The following TNFRSF8 variants were observed in gnomAD, a reference collection of about 807,000 sequenced individuals.
TNFRSF8 encodes tumor necrosis factor receptor superfamily member 8.
A neutral mutation model predicts 70.8 loss-of-function variants in TNFRSF8; 26 were observed. That is an observed-to-expected ratio of 0.37 (90% confidence interval 0.27 to 0.51). The LOEUF (loss-of-function observed/expected upper bound fraction) is 0.51, where lower values mean the gene tolerates loss of function less well. Among genes scored for constraint, TNFRSF8 ranks in the 20% least tolerant of loss-of-function variants. TNFRSF8 has a pLI of 0.94. For synonymous variants in TNFRSF8, 356 were observed against 339.2 expected (o/e 1.05, Z -0.54); for missense variants, 720 against 807.9 (o/e 0.89, Z 1.32).
intron 1 of TNFRSF8, among the ~76,000 whole-genome samples, chr1:12,073,014 G>T (rs770941992): frequency 2.0e-5 from 3 of 152,210 alleles, no homozygotes. Flanking sequence ...CAGGCTGGGC[G>T]CCAAGGCTCA....
chr1:12,135,700 TG>T, intron 13 of TNFRSF8, 87 bp downstream of exon 13: 1 of 1,561,868 alleles, frequency 6.4e-7, no homozygotes, highest in Non-Finnish European at 8.7e-7. Flanking sequence ...TGAGAGCTGC[TG>T]GGGGAAGGGA....
At chr1:12,139,691 C>A (rs1282832564) in intron 14 of TNFRSF8, among the ~76,000 whole-genome samples, 1 of 152,244 alleles carries the variant, frequency 6.6e-6, no homozygotes. Flanking sequence ...CTGTGCATTT[C>A]TATGGCAGAC....
At position 12,097,209 on chromosome 1, in the gene TNFRSF8, G is replaced by C. The variant is rs1165626968; in HGVS notation, c.260G>C (p.Cys87Ser). The change falls in exon 3 of 15, where the codon TGT becomes TCT. Residue 87 changes from cysteine to serine, a missense_variant. Transcript: ENST00000263932. ...EADRCTACVT[C>S]SRDDLVEKTP... The stretch of plus-strand genomic sequence containing the variant: ...GACCGCTGTACAGCCTGCGTGACTT[G>C]TTCTCGAGGTAAGGGCCTTGTTCTC... 1 of 1,613,500 alleles carries C rather than the reference G, an allele frequency of 6.2e-7. No individual in the cohort carries two copies. Among genetic ancestry groups the C allele is most frequent in the Non-Finnish European group, 8.5e-7 (1 of 1,179,670 alleles).
intron 12 of TNFRSF8, among the ~76,000 whole-genome samples, chr1:12,133,495 A>G (rs2101040607): frequency 6.6e-6 from 1 of 152,014 alleles, no homozygotes; most frequent in South Asian, 2.1e-4. Flanking sequence ...TAATCCCAGC[A>G]CTTTGGGAGG....
intron 3 of TNFRSF8, among the ~76,000 whole-genome samples, chr1:12,100,312 A>G (rs1295937521): frequency 1.3e-5 from 2 of 152,298 alleles, no homozygotes; most frequent in East Asian, 1.9e-4. Context: ...GGGCATTACT[A>G]TGCACTACTG....
chr1:12,123,477 G>T (rs778394163), intron 9 of TNFRSF8, 100 bp downstream of exon 9: 30 of 1,183,308 alleles, frequency 2.5e-5, no homozygotes, highest in Non-Finnish European at 3.3e-5. Flanking sequence ...TGGGGGTGGA[G>T]GTGGGGCCTG....
intron 2 of TNFRSF8, among the ~76,000 whole-genome samples, chr1:12,094,336 G>A (rs964733146): frequency 6.6e-6 from 1 of 152,184 alleles, no homozygotes; most frequent in Non-Finnish European, 1.5e-5. Flanking sequence ...GGGGAGAGGA[G>A]CATTCGGGGC....
chr1:12,079,143 A>G (rs994469686), intron 1 of TNFRSF8, among the ~76,000 whole-genome samples: 1 of 152,216 alleles, frequency 6.6e-6, no homozygotes, highest in Non-Finnish European at 1.5e-5. Flanking sequence ...TCCCACAGGT[A>G]TGGTCCGGCT....
chr1:12,063,547 C>CT lies in TNFRSF8; in HGVS notation c.-52_-51insT. 3 of 1,294,666 alleles carry CT rather than the reference C, an allele frequency of 2.3e-6. No individual in the cohort carries two copies. In the East Asian group the frequency reaches 9.4e-5, roughly 41 times the overall value. 80.2% of individuals were successfully genotyped at this position (1,294,666 alleles called of 1,614,324 possible). A position where few individuals can be genotyped will look rare whatever the true frequency, so the allele number is the denominator to read the frequency against. ...GCACGTGGGCGCCGCGCGCTTCCCCCGCTTCCCAGGTGGGCGCCGGCCGCC... is the reference window on the plus strand; with the variant it reads ...GCACGTGGGCGCCGCGCGCTTCCCCCTGCTTCCCAGGTGGGCGCCGGCCGCC... On this transcript the variant is annotated 5_prime_UTR_variant, in exon 1 of 15. Coordinates refer to ENST00000263932, the MANE Select transcript of TNFRSF8 (RefSeq NM_001243.5). This position sits in a 1 kb window ranked among gnomAD's most constrained non-coding sequence, Gnocchi z 7.2.
At chr1:12,120,145 C>T (rs1641804964) in intron 8 of TNFRSF8, among the ~76,000 whole-genome samples, 1 of 152,186 alleles carries the variant, frequency 6.6e-6, no homozygotes, top group Non-Finnish European at 1.5e-5. Context: ...GAAGGCTTTT[C>T]TTCCTATATC....
At position 12,115,682 on chromosome 1, in the gene TNFRSF8, G is replaced by A. The variant is rs1641715235; in HGVS notation, c.899G>A (p.Cys300Tyr). 6.2e-7 allele frequency: 1 copy of A among 1,614,086 alleles called. No individual in the cohort carries two copies. The change falls in exon 8 of 15, where the codon TGT becomes TAT. Residue 300 changes from cysteine (C) to tyrosine (Y), a missense_variant. Cys to Tyr is a radical substitution (Grantham distance 194). Transcript: ENST00000263932. ...TCAGCCACCAACTCCTGTGCCCGCT[G>A]TGTCCCCTACCCAATCTGTGCAGCA... ...ATSATNSCAR[C>Y]VPYPICAAET...
chr1:12,115,838 G>A (rs1641719925), intron 8 of TNFRSF8, 109 bp downstream of exon 8: 10 of 1,249,848 alleles, frequency 8.0e-6, no homozygotes, highest in Middle Eastern at 1.9e-4. Context: ...CTACACCCTC[G>A]GCTGTTCATT....
chr1:12,089,732 A>G lies in TNFRSF8; in HGVS notation c.151+5181A>G, dbSNP rs1641214566. On this transcript the variant is annotated intron_variant, in intron 2 of 14. Coordinates refer to ENST00000263932, the MANE Select transcript of TNFRSF8 (RefSeq NM_001243.5). ...TGATACTCCAGAGGGTATCTGTGCT[A>G]AGATAGTTTCAAAGGAGGAAGAATG... Among the ~76,000 whole-genome samples, 7 of 152,228 alleles carry G rather than the reference A, an allele frequency of 4.6e-5. No individual in the cohort carries two copies. The South Asian group carries it at 1.4e-3, about 32-fold the overall frequency.
Position 12,109,487 on chromosome 1 carries a change from C to T in TNFRSF8, c.422-79C>T. The T allele has an allele frequency of 8.2e-7, 1 of 1,213,824 alleles. No homozygotes were observed. Among genetic ancestry groups the T allele is most frequent in the Non-Finnish European group, 1.2e-6 (1 of 840,428 alleles). 75.2% of individuals were successfully genotyped at this position (1,213,824 alleles called of 1,614,324 possible). On this transcript the variant is annotated intron_variant, in intron 4 of 14. Transcript: ENST00000263932. This position sits in a 1 kb window ranked among gnomAD's most constrained non-coding sequence, Gnocchi z 4.4. ...CAAGGGCCCCATCTCCGACTCTGGC[C>T]TGTGGTAGTGAAGGGTGTATTCCGG...
intron 9 of TNFRSF8, 47 bp downstream of exon 9, chr1:12,123,424 C>T (rs2101025747): frequency 6.6e-7 from 1 of 1,521,260 alleles, no homozygotes; most frequent in Non-Finnish European, 8.9e-7. Context: ...CAGGAGGGAG[C>T]TGTCCCTGCC....
Position 12,109,919 on chromosome 1 carries a change from C to T in TNFRSF8, c.513-122C>T. ...TTGCTCCCAGGAGCTTACAGTGGGC[C>T]CGCCAGAGGCAGTGGGCCAAGGGCC... On this transcript the variant is annotated intron_variant, in intron 5 of 14. Transcript: ENST00000263932. The surrounding 1 kb of genome is among the most constrained non-coding windows in gnomAD (Gnocchi z 4.4). The T allele has an allele frequency of 7.9e-7, 1 of 1,263,254 alleles. No individual in the cohort carries two copies. The allele number at this position is 1,263,254 out of a possible 1,614,324, so 78.3% of individuals were successfully genotyped here.
chr1:12,093,484 C>A (rs1641279641), intron 2 of TNFRSF8, among the ~76,000 whole-genome samples: 1 of 152,018 alleles, frequency 6.6e-6, no homozygotes, highest in Non-Finnish European at 1.5e-5. Context: ...ATGTGTGAGG[C>A]CCTATGATAG....
In TNFRSF8 at chr1:12,109,923, C is replaced by T; in HGVS notation, c.513-118C>T. On this transcript the variant is annotated intron_variant, in intron 5 of 14. Transcript: ENST00000263932. This position sits in a 1 kb window ranked among gnomAD's most constrained non-coding sequence, Gnocchi z 4.4. ...TCCCAGGAGCTTACAGTGGGCCCGC[C>T]AGAGGCAGTGGGCCAAGGGCCTGGG... 2 of 1,301,168 alleles carry T rather than the reference C, an allele frequency of 1.5e-6. No individual in the cohort carries two copies. The highest frequency in any genetic ancestry group is 1.4e-5 in the South Asian group (1 of 70,976). 80.6% of individuals were successfully genotyped at this position (1,301,168 alleles called of 1,614,324 possible).
At chr1:12,123,615 A>G in intron 9 of TNFRSF8, 100 bp from the exon 10 acceptor site, 1 of 1,120,342 alleles carries the variant, frequency 8.9e-7, no homozygotes, top group Non-Finnish European at 1.3e-6. Context: ...CTAGGGGCCC[A>G]GGCTCTGGTT....
Sources: allele counts gnomAD v4.1 joint callset (sites outside exome capture counted in the v4.1 genomes callset), GRCh38; gene constraint gnomAD v4.1.1; non-coding constraint Gnocchi (gnomAD v3.1); transcripts MANE v1.5; gene names NCBI Gene and HGNC (gene_info 2026-07-23, HGNC 2026-07-21).